Variants in SPATA17 observed in about 807,000 individuals in gnomAD.
SPATA17 encodes the protein spermatogenesis-associated protein 17.
A neutral mutation model predicts 62.2 loss-of-function variants in SPATA17; 53 were observed. That is an observed-to-expected ratio of 0.85 (90% CI 0.68 to 1.07). SPATA17 has a LOEUF of 1.07. Among genes scored for constraint, SPATA17 ranks in the 50% least tolerant of loss-of-function variants. SPATA17 has a pLI of 0.00. For synonymous variants in SPATA17, 146 were observed against 146.8 expected (o/e 0.99, Z 0.04); for missense variants, 466 against 425.5 (o/e 1.10, Z -0.84).
intron 9 of SPATA17, among the ~76,000 whole-genome samples, chr1:217,832,035 T>C (rs1675155370): frequency 1.3e-5 from 2 of 152,274 alleles, no homozygotes; most frequent in South Asian, 4.1e-4. Flanking sequence ...CATTTATCTT[T>C]GTAATTTTTG....
At chr1:217,777,085 C>T (rs1302698185) in intron 7 of SPATA17, among the ~76,000 whole-genome samples, 1 of 152,168 alleles carries the variant, frequency 6.6e-6, no homozygotes, top group East Asian at 1.9e-4. Flanking sequence ...GCCTTTTATA[C>T]CCTCAACCAT....
intron 5 of SPATA17, among the ~76,000 whole-genome samples, chr1:217,738,121 T>G (rs992288224): frequency 6.6e-6 from 1 of 152,144 alleles, no homozygotes; most frequent in Non-Finnish European, 1.5e-5. Context: ...CCACTGCACC[T>G]GGCCATGCTT....
intron 6 of SPATA17, among the ~76,000 whole-genome samples, chr1:217,744,708 T>G (rs1672707786): frequency 6.6e-6 from 1 of 152,156 alleles, no homozygotes; most frequent in Non-Finnish European, 1.5e-5. Flanking sequence ...AAATAATTAT[T>G]TTTGAGGCAC....
At chr1:217,847,965 G>C (rs12760500) in intron 9 of SPATA17, among the ~76,000 whole-genome samples, 44,380 of 151,846 alleles carry the variant, frequency 0.29, 7,705 homozygotes, top group Non-Finnish European at 0.38. Flanking sequence ...ATGGGAAGTT[G>C]AGGCTGCAGT....
At chr1:217,677,606 A>G (rs947617285) in intron 4 of SPATA17, among the ~76,000 whole-genome samples, 1 of 152,126 alleles carries the variant, frequency 6.6e-6, no homozygotes, top group Non-Finnish European at 1.5e-5. Context: ...AGCCTATGGA[A>G]GAAAAGAAGG....
intron 5 of SPATA17, among the ~76,000 whole-genome samples, chr1:217,705,180 A>G (rs932668217): frequency 2.0e-5 from 3 of 151,990 alleles, no homozygotes; most frequent in Non-Finnish European, 4.4e-5. Context: ...TTTCATATTC[A>G]TGTTGGCCAC....
chr1:217,776,026 A>T (rs1490674709), intron 7 of SPATA17, among the ~76,000 whole-genome samples: 1 of 152,116 alleles, frequency 6.6e-6, no homozygotes, highest in Non-Finnish European at 1.5e-5. Flanking sequence ...CTCTCATTTG[A>T]TGCTATATGT....
chr1:217,743,028 G>A (rs538701354), intron 6 of SPATA17, among the ~76,000 whole-genome samples: 3 of 70,026 alleles, frequency 4.3e-5, no homozygotes, highest in Non-Finnish European at 9.4e-5. Flanking sequence ...TCTAGCCTGT[G>A]CTTGGTAGTC....
rs1244049841 is a variant in SPATA17, at chr1:217,690,850, T to C, written c.395+7489T>C. ...TTTTTTATGGCTGCATAGTATTCCATGGTGTATATGTGCCACATTTTCTTA... is the reference window on the plus strand; with the variant it reads ...TTTTTTATGGCTGCATAGTATTCCACGGTGTATATGTGCCACATTTTCTTA... On this transcript the variant is annotated intron_variant, in intron 5 of 10. Transcript: ENST00000366933. Among the ~76,000 whole-genome samples, 42 of 143,818 alleles carry C rather than the reference T, an allele frequency of 2.9e-4. No homozygotes were observed. The East Asian group carries it at 6.2e-3, about 21-fold the overall frequency. 94.4% of individuals were successfully genotyped at this position (143,818 alleles called of 152,430 possible).
intron 5 of SPATA17, among the ~76,000 whole-genome samples, chr1:217,718,493 T>C (rs138649698): frequency 3.3e-5 from 5 of 152,336 alleles, no homozygotes; most frequent in African/African-American, 1.2e-4. Context: ...ACTTAAAGTC[T>C]TGTACTTGAA....
chr1:217,721,853 T>G (rs542484171), intron 5 of SPATA17, among the ~76,000 whole-genome samples: 6 of 152,250 alleles, frequency 3.9e-5, no homozygotes, highest in Admixed American at 3.9e-4. Context: ...GCAACCCAAG[T>G]AGGTAGGAAC....
At chr1:217,837,246 C>G (rs1427124719) in intron 9 of SPATA17, among the ~76,000 whole-genome samples, 1 of 151,996 alleles carries the variant, frequency 6.6e-6, no homozygotes, top group African/African-American at 2.4e-5. Flanking sequence ...CTAAATTAGC[C>G]ACAACTTTGC....
At chr1:217,680,883 C>T (rs1348057102) in intron 4 of SPATA17, among the ~76,000 whole-genome samples, 1 of 142,694 alleles carries the variant, frequency 7.0e-6, no homozygotes, top group African/African-American at 2.6e-5. Flanking sequence ...CGAGATCATG[C>T]CACTGCACTC....
chr1:217,793,284 G>A (rs1674049914), intron 8 of SPATA17, among the ~76,000 whole-genome samples: 2 of 134,382 alleles, frequency 1.5e-5, no homozygotes, highest in Non-Finnish European at 3.1e-5. Flanking sequence ...GCAGTGGCAC[G>A]ATCTCGGCTC....
At chr1:217,765,306 C>T (rs534221074) in intron 6 of SPATA17, among the ~76,000 whole-genome samples, 2 of 151,324 alleles carry the variant, frequency 1.3e-5, no homozygotes, top group East Asian at 1.9e-4. Flanking sequence ...TTTTCTTCTG[C>T]TTGCCTTGGA....
At chr1:217,707,260 T>G (rs961985045) in intron 5 of SPATA17, among the ~76,000 whole-genome samples, 2 of 152,102 alleles carry the variant, frequency 1.3e-5, no homozygotes, top group Non-Finnish European at 2.9e-5. Context: ...TGCTACTGGT[T>G]TTTATATATT....
intron 6 of SPATA17, among the ~76,000 whole-genome samples, chr1:217,760,025 A>G (rs935763315): frequency 6.6e-6 from 1 of 152,224 alleles, no homozygotes; most frequent in Non-Finnish European, 1.5e-5. Flanking sequence ...TGGAAAAAAT[A>G]AAGACATATA....
intron 5 of SPATA17, among the ~76,000 whole-genome samples, chr1:217,708,331 G>A (rs1181285338): frequency 6.6e-6 from 1 of 151,904 alleles, no homozygotes; most frequent in Non-Finnish European, 1.5e-5. Flanking sequence ...AAAGAGAGAA[G>A]ATACAAATAA....
At chr1:217,755,495 A>G (rs538257157) in intron 6 of SPATA17, among the ~76,000 whole-genome samples, 1 of 151,966 alleles carries the variant, frequency 6.6e-6, no homozygotes, top group Non-Finnish European at 1.5e-5. Flanking sequence ...TGTCAAAAAA[A>G]TTTTTTTCTT....
Sources: allele counts gnomAD v4.1 joint callset (sites outside exome capture counted in the v4.1 genomes callset), GRCh38; gene constraint gnomAD v4.1.1; transcripts MANE v1.5; gene names NCBI Gene and HGNC (gene_info 2026-07-23, HGNC 2026-07-21).